Variants in PHACTR1 observed in about 807,000 individuals in gnomAD.
PHACTR1 encodes phosphatase and actin regulator 1, also known as RPEL repeat containing 1.
PHACTR1 carries 16 observed loss-of-function variants against 69.2 expected under a neutral mutation model. The ratio of observed to expected loss-of-function variants is 0.23; its 90% CI spans 0.16 to 0.35. The LOEUF (loss-of-function observed/expected upper bound fraction) is 0.35. Ranked by LOEUF, PHACTR1 falls within the 10% of genes least tolerant of loss-of-function variation. The pLI, the probability that PHACTR1 is intolerant of heterozygous loss-of-function variation, is 1.00. For synonymous variants in PHACTR1, 312 were observed against 284.5 expected, an observed-to-expected ratio of 1.10 and a Z score of -0.97; for missense variants, 510 against 734.7, an observed-to-expected ratio of 0.69 and a Z score of 3.54.
At chr6:12,789,358 C>T (rs1486807573) in intron 4 of PHACTR1, among the ~76,000 whole-genome samples, 1 of 152,078 alleles carries the variant, frequency 6.6e-6, no homozygotes, top group Non-Finnish European at 1.5e-5. Context: ...ATTCCAAGTC[C>T]CCTCTCACAG....
rs764523793 is a variant in PHACTR1, at chr6:13,205,905, G to A, written c.755G>A (p.Gly252Glu). 7 of 1,613,668 alleles carry A rather than the reference G, an allele frequency of 4.3e-6. No homozygotes were observed. Among genetic ancestry groups the A allele is most frequent in the Admixed American group, 1.7e-5 (1 of 60,018 alleles). ...PKKVMICMPV[G>E]GPDLSLVSYT... ...AAAGTCATGATCTGTATGCCCGTGG[G>A]GGGGCCAGACCTCTCACTGGTGTCC... is the stretch of plus-strand genomic sequence containing the variant. Residue 252 changes from glycine (G) to glutamate (E), a missense_variant, in exon 8 of 15, where the codon GGG becomes GAG. By Grantham distance (98) the Gly-to-Glu change is moderately conservative (BLOSUM62 -2). Transcript: ENST00000332995.
intron 5 of PHACTR1, among the ~76,000 whole-genome samples, chr6:13,120,080 C>T (rs1015038031): frequency 6.6e-6 from 1 of 152,174 alleles, no homozygotes; most frequent in Non-Finnish European, 1.5e-5. Context: ...CCTGGTGCCT[C>T]CTCTTCTCTG....
chr6:13,188,242 C>G (rs1407072012), intron 7 of PHACTR1, among the ~76,000 whole-genome samples: 1 of 152,136 alleles, frequency 6.6e-6, no homozygotes, highest in Non-Finnish European at 1.5e-5. Context: ...CTAGTGCTAT[C>G]CTTTTGGGCT....
At chr6:12,908,817 G>A (rs1786041664) in intron 4 of PHACTR1, among the ~76,000 whole-genome samples, 1 of 152,216 alleles carries the variant, frequency 6.6e-6, no homozygotes, top group South Asian at 2.1e-4. Context: ...TGGCAGGCAG[G>A]AAGCCGCACA....
intron 4 of PHACTR1, among the ~76,000 whole-genome samples, chr6:12,824,674 A>G (rs971756793): frequency 2.0e-5 from 3 of 152,236 alleles, no homozygotes; most frequent in Non-Finnish European, 4.4e-5. Flanking sequence ...TTTTCCTAGC[A>G]CTATTTTCAT....
chr6:12,843,036 G>A (rs1033902698), intron 4 of PHACTR1, among the ~76,000 whole-genome samples: 1 of 151,908 alleles, frequency 6.6e-6, no homozygotes, highest in East Asian at 1.9e-4. Context: ...GTTTCTTTTT[G>A]TCATTGGAAT....
intron 11 of PHACTR1, 47 bp downstream of exon 11, chr6:13,272,962 T>C (rs2127451163): frequency 6.2e-7 from 1 of 1,608,744 alleles, no homozygotes; most frequent in Non-Finnish European, 8.5e-7. Flanking sequence ...GTGGCGGCTT[T>C]TGTTATTATT....
intron 4 of PHACTR1, among the ~76,000 whole-genome samples, chr6:12,946,079 T>C (rs950272164): frequency 6.6e-6 from 1 of 151,640 alleles, no homozygotes; most frequent in Non-Finnish European, 1.5e-5. Context: ...CCAGATTTCT[T>C]TTCTTCAGTA....
At chr6:13,160,166 T>C (rs748267651) in intron 5 of PHACTR1, 38 bp from the exon 6 acceptor site, 1 of 1,564,238 alleles carries the variant, frequency 6.4e-7, no homozygotes, top group East Asian at 2.2e-5. Context: ...CTTTGTTACC[T>C]ACTCACATCT....
At chr6:12,856,787 C>T (rs1364168594) in intron 4 of PHACTR1, among the ~76,000 whole-genome samples, 1 of 152,106 alleles carries the variant, frequency 6.6e-6, no homozygotes, top group Admixed American at 6.5e-5. Context: ...ATGCCCTTGG[C>T]CAGTCTAAAC....
At chr6:12,838,537 G>A (rs1187021385) in intron 4 of PHACTR1, among the ~76,000 whole-genome samples, 1 of 152,210 alleles carries the variant, frequency 6.6e-6, no homozygotes, top group Non-Finnish European at 1.5e-5. Flanking sequence ...ATTAAAAGTA[G>A]TAGTTTATAA....
chr6:12,836,475 T>C (rs1048329532), intron 4 of PHACTR1, among the ~76,000 whole-genome samples: 7 of 152,180 alleles, frequency 4.6e-5, no homozygotes, highest in African/African-American at 1.7e-4. Context: ...GCACAAAGGA[T>C]ACTAGGCTAA....
intron 3 of PHACTR1, among the ~76,000 whole-genome samples, chr6:12,720,687 C>G (rs749872831): frequency 6.6e-6 from 1 of 152,224 alleles, no homozygotes; most frequent in Non-Finnish European, 1.5e-5. Context: ...GGTTCCCGCA[C>G]ACATTGTCTA....
chr6:13,195,174 A>G (rs1292053683), intron 7 of PHACTR1, among the ~76,000 whole-genome samples: 1 of 152,248 alleles, frequency 6.6e-6, no homozygotes, highest in East Asian at 1.9e-4. Flanking sequence ...CTTGCAGCCA[A>G]GGGGAATCTG....
intron 14 of PHACTR1, among the ~76,000 whole-genome samples, chr6:13,286,816 C>G (rs191009722): frequency 9.8e-5 from 15 of 152,332 alleles, no homozygotes; most frequent in African/African-American, 3.4e-4. Flanking sequence ...GACTCAGAGA[C>G]ACAGATTGGG....
intron 4 of PHACTR1, among the ~76,000 whole-genome samples, chr6:12,904,852 T>G (rs1785558965): frequency 6.6e-6 from 1 of 152,174 alleles, no homozygotes; most frequent in Non-Finnish European, 1.5e-5. Flanking sequence ...AGCCTCAATT[T>G]CTTTTTGTAT....
At chr6:12,786,990 T>G (rs1370238673) in intron 4 of PHACTR1, among the ~76,000 whole-genome samples, 2 of 152,198 alleles carry the variant, frequency 1.3e-5, no homozygotes, top group Admixed American at 1.3e-4. Context: ...AAATACACTG[T>G]TAAAGCAGGA....
At position 12,979,996 on chromosome 6, in the gene PHACTR1, G is replaced by A. The variant is rs141190361; in HGVS notation, c.251-73369G>A. 6.8e-3 allele frequency among the ~76,000 whole-genome samples: 1,040 copies of A among 152,274 alleles called. 8 individuals carry two copies. The highest frequency in any genetic ancestry group is 0.024 in the African/African-American group (983 of 41,552). ...ATGAAATCACTTTCACAATTAGCATGCTTTGTTAGCCACAAGTGGAGATAG... is the reference window on the plus strand; with the variant it reads ...ATGAAATCACTTTCACAATTAGCATACTTTGTTAGCCACAAGTGGAGATAG... On this transcript the variant is annotated intron_variant, in intron 4 of 14. Transcript: ENST00000332995.
chr6:13,203,426 T>G (rs1765494426), intron 7 of PHACTR1, among the ~76,000 whole-genome samples: 1 of 152,204 alleles, frequency 6.6e-6, no homozygotes, highest in South Asian at 2.1e-4. Flanking sequence ...TTGTAAGGAT[T>G]AAACCGGTTA....
Sources: allele counts gnomAD v4.1 joint callset (sites outside exome capture counted in the v4.1 genomes callset), GRCh38; gene constraint gnomAD v4.1.1; transcripts MANE v1.5; gene names NCBI Gene and HGNC (gene_info 2026-07-23, HGNC 2026-07-21).